The following AKAP13 variants were observed in gnomAD, a reference collection of about 807,000 sequenced individuals.
AKAP13 encodes A-kinase anchor protein 13.
A neutral mutation model predicts 264.5 loss-of-function variants in AKAP13; 80 were observed. The ratio of observed to expected loss-of-function variants is 0.30; its 90% CI spans 0.25 to 0.36. AKAP13 has a LOEUF of 0.36. Ranked by LOEUF, AKAP13 falls within the 10% of genes least tolerant of loss-of-function variation. The probability of loss-of-function intolerance (pLI) is 1.00; values close to 1 mark genes in which losing one functional copy is unlikely to be tolerated. For missense variants in AKAP13, 3,712 were observed against 3,435.2 expected (o/e 1.08, Z -2.01); for synonymous variants, 1,380 against 1,250.2 (o/e 1.10, Z -2.19).
chr15:85,652,412 C>T (rs150927344), intron 10 of AKAP13, among the ~76,000 whole-genome samples: 1 of 152,166 alleles, frequency 6.6e-6, no homozygotes, highest in East Asian at 1.9e-4. Flanking sequence ...TGTAAGAAGG[C>T]TATATGGTAA....
chr15:85,524,322 C>T (rs1479756695), intron 3 of AKAP13, among the ~76,000 whole-genome samples: 4 of 151,558 alleles, frequency 2.6e-5, no homozygotes, highest in Admixed American at 1.3e-4. Context: ...GGATTACAGG[C>T]GTACCACCAC....
At chr15:85,656,125 A>G (rs1054778272) in intron 11 of AKAP13, among the ~76,000 whole-genome samples, 1 of 152,234 alleles carries the variant, frequency 6.6e-6, no homozygotes, top group African/African-American at 2.4e-5. Flanking sequence ...AAACTTATGA[A>G]TGAGAAAATA....
intron 9 of AKAP13, among the ~76,000 whole-genome samples, chr15:85,643,189 T>A (rs190205541): frequency 7.4e-6 from 1 of 135,686 alleles, no homozygotes; most frequent in East Asian, 2.2e-4. Flanking sequence ...CCTCTCTCAC[T>A]TCCTATGGCA....
rs746065784 is a variant in AKAP13 at position 85,582,059 on chromosome 15, G to T, written c.3991G>T (p.Glu1331Ter). 6.2e-7 allele frequency: 1 copy of T among 1,613,404 alleles called. No individual in the cohort carries two copies. The highest frequency in any genetic ancestry group is 8.5e-7 in the Non-Finnish European group (1 of 1,179,692). ...SLAGCFAGREEPEKIILPVQG... is the reference protein window; with the variant it reads ...SLAGCFAGRE The stretch of plus-strand genomic sequence containing the variant: ...TGCAGGATGTTTTGCTGGAAGGGAG[G>T]AGCCAGAGAAGATCATTTTACCTGT... Residue 1331 changes from glutamate to a stop codon, truncating the protein, a stop_gained, in exon 7 of 37, where the codon GAG becomes TAG. Coordinates refer to ENST00000394518, the MANE Select transcript of AKAP13 (RefSeq NM_007200.5). LOFTEE classifies it high-confidence loss of function.
At chr15:85,557,765 A>G (rs2078205215) in intron 5 of AKAP13, among the ~76,000 whole-genome samples, 1 of 152,148 alleles carries the variant, frequency 6.6e-6, no homozygotes, top group South Asian at 2.1e-4. Flanking sequence ...ATGAGCCCCC[A>G]TGCCCACACG....
chr15:85,600,087 A>C (rs1308746980), intron 8 of AKAP13, among the ~76,000 whole-genome samples: 1 of 152,134 alleles, frequency 6.6e-6, no homozygotes, highest in Non-Finnish European at 1.5e-5. Flanking sequence ...GGGAGGTAGC[A>C]AAAAGGACAG....
intron 13 of AKAP13, among the ~76,000 whole-genome samples, chr15:85,669,132 A>G (rs1314634745): frequency 6.6e-6 from 1 of 152,162 alleles, no homozygotes; most frequent in Non-Finnish European, 1.5e-5. Flanking sequence ...GCTACTCAGG[A>G]GTCTGAGGCA....
At chr15:85,517,715 T>C (rs190088121) in intron 2 of AKAP13, among the ~76,000 whole-genome samples, 6 of 152,256 alleles carry the variant, frequency 3.9e-5, no homozygotes, top group Admixed American at 2.0e-4. Flanking sequence ...GGTGATATTT[T>C]AGAACACAGT....
chr15:85,487,567 G>T (rs1318729213), intron 2 of AKAP13, among the ~76,000 whole-genome samples: 1 of 152,068 alleles, frequency 6.6e-6, no homozygotes. Context: ...CAATTAAATA[G>T]TTTTTATTTA....
At chr15:85,424,604 G>C (rs1433276819) in intron 1 of AKAP13, among the ~76,000 whole-genome samples, 1 of 152,136 alleles carries the variant, frequency 6.6e-6, no homozygotes, top group Non-Finnish European at 1.5e-5. Flanking sequence ...AGGCTATTGT[G>C]CTTTCTTATT....
chr15:85,700,173 A>G (rs1407854219), intron 17 of AKAP13, among the ~76,000 whole-genome samples: 2 of 152,238 alleles, frequency 1.3e-5, no homozygotes, highest in African/African-American at 4.8e-5. Flanking sequence ...GTCTTTGTCT[A>G]CATTAGACTA....
chr15:85,697,297 G>A (rs910558007), intron 17 of AKAP13, among the ~76,000 whole-genome samples: 6 of 152,198 alleles, frequency 3.9e-5, no homozygotes, highest in African/African-American at 9.6e-5. Flanking sequence ...GGGGCCGGGC[G>A]CAGTGGCTCA....
At chr15:85,554,870 T>C (rs1269653510) in intron 5 of AKAP13, among the ~76,000 whole-genome samples, 2 of 152,224 alleles carry the variant, frequency 1.3e-5, no homozygotes, top group African/African-American at 4.8e-5. Context: ...CTTTCCAGCT[T>C]ATGCTCTAAC....
At chr15:85,471,717 T>G (rs911191276) in intron 1 of AKAP13, among the ~76,000 whole-genome samples, 5 of 152,214 alleles carry the variant, frequency 3.3e-5, no homozygotes, top group African/African-American at 1.2e-4. Context: ...CTGGTTTACA[T>G]TGTGTCACTA....
Position 85,730,635 on chromosome 15 carries a change from A to C in AKAP13, c.7210A>C (p.Arg2404=). The C allele has an allele frequency of 6.2e-7, 1 of 1,614,218 alleles. No individual in the cohort carries two copies. Among genetic ancestry groups the C allele is most frequent in the Non-Finnish European group, 8.5e-7 (1 of 1,180,044 alleles). ...GGATTGCTCCCCAACACATAGCCCT[A>C]GAGTTCTCTTCCGCTCCAACACAGA... ...PEDCSPTHSP[R]VLFRSNTEEA... Residue 2404 remains arginine (R), a synonymous_variant, in exon 30 of 37, where the codon AGA becomes CGA. Coordinates refer to ENST00000394518, the MANE Select transcript of AKAP13 (RefSeq NM_007200.5).
At chr15:85,546,963 C>T (rs936179346) in intron 5 of AKAP13, among the ~76,000 whole-genome samples, 1 of 152,010 alleles carries the variant, frequency 6.6e-6, no homozygotes, top group Non-Finnish European at 1.5e-5. Flanking sequence ...AGGCTGGTCT[C>T]GAACTTCTGA....
intron 8 of AKAP13, chr15:85,619,229 A>G (rs1427186770): frequency 9.7e-6 from 3 of 307,850 alleles, no homozygotes; most frequent in Non-Finnish European, 1.4e-5. Context: ...TAGATGAATC[A>G]TGTTCCCACA....
intron 3 of AKAP13, among the ~76,000 whole-genome samples, chr15:85,530,101 C>G (rs1215585314): frequency 3.3e-5 from 5 of 152,192 alleles, no homozygotes; most frequent in Non-Finnish European, 7.3e-5. Context: ...ATCCATTCAC[C>G]TGCTAACAAA....
intron 1 of AKAP13, among the ~76,000 whole-genome samples, chr15:85,477,636 GGAAAAAAAA>G (rs1279133777): frequency 1.5e-4 from 5 of 34,320 alleles, no homozygotes; most frequent in African/African-American, 4.8e-4. Flanking sequence ...CTTAAAAAAA[GGAAAAAAAA>G]AAAAAAAAAA....
Sources: gnomAD v4.1 joint callset for allele counts (sites outside exome capture counted in the v4.1 genomes callset) on GRCh38, gnomAD v4.1.1 for gene constraint, MANE v1.5 for transcripts, NCBI Gene and HGNC (gene_info 2026-07-23, HGNC 2026-07-21) for gene names.